Variants in GALK2 observed in about 807,000 individuals in gnomAD.
The protein encoded by GALK2 is galactokinase 2, also known as N-acetylgalactosamine kinase.
Under a neutral mutation model 52.4 loss-of-function variants are expected in GALK2, and 36 were observed. The observed-to-expected ratio is 0.69, with a 90% CI of 0.53 to 0.91. The LOEUF is 0.91. Ranked by LOEUF, GALK2 falls within the 40% of genes least tolerant of loss-of-function variation. GALK2 has a pLI of 0.00. For missense variants in GALK2, 579 were observed against 559.1 expected (o/e 1.04, Z -0.36); for synonymous variants, 176 against 199.1 (o/e 0.88, Z 0.98).
intron 2 of GALK2, among the ~76,000 whole-genome samples, chr15:49,214,492 G>A (rs1021485800): frequency 1.8e-4 from 18 of 102,764 alleles, no homozygotes; most frequent in African/African-American, 7.6e-4. Flanking sequence ...CACCACACCC[G>A]GCTATTTTTT....
chr15:49,340,580 C>G (rs1355994659), intron 3 of GALK2, among the ~76,000 whole-genome samples: 1 of 152,140 alleles, frequency 6.6e-6, no homozygotes, highest in Non-Finnish European at 1.5e-5. Flanking sequence ...ATCTTGCCAG[C>G]AAAGTCCTTG....
At chr15:49,174,914 AT>A (rs1272042223) in intron 1 of GALK2, among the ~76,000 whole-genome samples, 1 of 152,214 alleles carries the variant, frequency 6.6e-6, no homozygotes, top group African/African-American at 2.4e-5. Flanking sequence ...TATTGGCACT[AT>A]CAGTTTGTAG....
chr15:49,247,262 G>A (rs922115964), intron 5 of GALK2, among the ~76,000 whole-genome samples: 1 of 152,048 alleles, frequency 6.6e-6, no homozygotes, highest in Non-Finnish European at 1.5e-5. Flanking sequence ...TGAGAGAGTT[G>A]GTCAAGGGCC....
chr15:49,340,395 A>G (rs2040497116), intron 3 of GALK2, among the ~76,000 whole-genome samples: 1 of 128,418 alleles, frequency 7.8e-6, no homozygotes, highest in Non-Finnish European at 1.7e-5. Flanking sequence ...TGGGTGAGGC[A>G]GTGCCCCGCC....
chr15:49,202,796 A>G (rs936943157), intron 2 of GALK2, among the ~76,000 whole-genome samples: 8 of 152,270 alleles, frequency 5.3e-5, no homozygotes, highest in African/African-American at 1.9e-4. Flanking sequence ...CCATATGGCT[A>G]TACTAATTTA....
chr15:49,328,253 T>C lies in GALK2; in HGVS notation c.*94T>C. The C allele has an allele frequency of 2.6e-5, 38 of 1,482,584 alleles. No individual in the cohort carries two copies. The highest frequency in any genetic ancestry group is 3.4e-5 in the Non-Finnish European group (38 of 1,115,734). The allele number at this position is 1,482,584 out of a possible 1,614,324, so 91.8% of individuals were successfully genotyped here. On this transcript the variant is annotated 3_prime_UTR_variant, in exon 10 of 10. Transcript: ENST00000560031. Reference sequence around the variant, plus strand: ...GTAAATTAATCTTCCTTCTGTTTTGTATTATGATGAACGGTTGCTATTATA... The same window carrying C: ...GTAAATTAATCTTCCTTCTGTTTTGCATTATGATGAACGGTTGCTATTATA...
At chr15:49,350,817 A>G (rs544648152) in intron 3 of GALK2, among the ~76,000 whole-genome samples, 2 of 152,174 alleles carry the variant, frequency 1.3e-5, no homozygotes, top group South Asian at 4.1e-4. Flanking sequence ...TGCGAGCCAA[A>G]GACAAAGTGA....
In GALK2 at chr15:49,192,219, A is replaced by G. The variant is rs141586679; in HGVS notation, c.54-8943A>G. Among the ~76,000 whole-genome samples, 526 of 152,150 alleles carry G rather than the reference A, an allele frequency of 3.5e-3. 4 individuals carry two copies. The highest frequency in any genetic ancestry group is 0.012 in the African/African-American group (499 of 41,536). On this transcript the variant is annotated intron_variant, in intron 1 of 9. Transcript: ENST00000560031. ...TTTCTTTTGAAATAAAGATCTGGGCATTAGAGATGCTTATTGCTAATATGA... is the reference window on the plus strand; with the variant it reads ...TTTCTTTTGAAATAAAGATCTGGGCGTTAGAGATGCTTATTGCTAATATGA...
chr15:49,285,736 A>G (rs1293730938), intron 7 of GALK2, among the ~76,000 whole-genome samples: 1 of 152,078 alleles, frequency 6.6e-6, no homozygotes, highest in East Asian at 1.9e-4. Context: ...TAGCCTTCTC[A>G]CTGTTCCTTA....
chr15:49,175,096 G>C (rs192977650), intron 1 of GALK2, among the ~76,000 whole-genome samples: 1 of 152,294 alleles, frequency 6.6e-6, no homozygotes, highest in East Asian at 1.9e-4. Context: ...AAGCACATGC[G>C]CAGTGGGTAA....
chr15:49,258,827 T>TGAGAGA (rs1463410633), intron 5 of GALK2, among the ~76,000 whole-genome samples: 20 of 123,716 alleles, frequency 1.6e-4, no homozygotes, highest in Admixed American at 3.3e-4. Flanking sequence ...TGTGTGTGTG[T>TGAGAGA]GTGAGAGAGA....
chr15:49,252,700 G>C (rs12902271), intron 5 of GALK2, among the ~76,000 whole-genome samples: 43,675 of 118,746 alleles, frequency 0.37, 12,440 homozygotes, highest in Non-Finnish European at 0.54. Context: ...ATAAATCCCA[G>C]AACATAAAGT....
intron 3 of GALK2, among the ~76,000 whole-genome samples, chr15:49,356,816 T>G (rs1264228940): frequency 2.5e-5 from 2 of 79,362 alleles, no homozygotes; most frequent in Non-Finnish European, 4.8e-5. Flanking sequence ...TATTCCAAAA[T>G]TGACCACATA....
chr15:49,236,551 C>G (rs1040185618), intron 4 of GALK2, among the ~76,000 whole-genome samples: 20 of 152,074 alleles, frequency 1.3e-4, no homozygotes, highest in Non-Finnish European at 2.2e-4. Flanking sequence ...TTGAAAATCT[C>G]TAATGTTACA....
At chr15:49,184,281 A>G (rs531032650) in intron 1 of GALK2, among the ~76,000 whole-genome samples, 6 of 151,902 alleles carry the variant, frequency 3.9e-5, no homozygotes, top group Non-Finnish European at 5.9e-5. Flanking sequence ...TGATATAAGT[A>G]TAGCTACACC....
At chr15:49,196,074 C>T (rs2141283078) in intron 1 of GALK2, among the ~76,000 whole-genome samples, 1 of 152,020 alleles carries the variant, frequency 6.6e-6, no homozygotes, top group African/African-American at 2.4e-5. Context: ...TAGCTAATGG[C>T]TTATTTTGTT....
At chr15:49,303,433 A>T (rs2035283625) in intron 8 of GALK2, among the ~76,000 whole-genome samples, 1 of 152,206 alleles carries the variant, frequency 6.6e-6, no homozygotes, top group African/African-American at 2.4e-5. Flanking sequence ...CAGTACTCAC[A>T]GTGTGACTCT....
intron 1 of GALK2, among the ~76,000 whole-genome samples, chr15:49,162,941 A>G (rs974488704): frequency 1.3e-5 from 2 of 152,246 alleles, no homozygotes; most frequent in African/African-American, 4.8e-5. Flanking sequence ...GTATTTATTT[A>G]TACTACTACA....
chr15:49,356,065 T>A (rs1287505965), intron 3 of GALK2, among the ~76,000 whole-genome samples: 1 of 147,096 alleles, frequency 6.8e-6, no homozygotes, highest in Non-Finnish European at 1.5e-5. Flanking sequence ...CCAACAGGCC[T>A]GCCTTACAAG....
Sources: gnomAD v4.1 joint callset for allele counts (sites outside exome capture counted in the v4.1 genomes callset) on GRCh38, gnomAD v4.1.1 for gene constraint, MANE v1.5 for transcripts, NCBI Gene and HGNC (gene_info 2026-07-23, HGNC 2026-07-21) for gene names.